Variants in N4BP2 observed in about 807,000 individuals in gnomAD.
N4BP2 encodes NEDD4-binding protein 2.
A neutral mutation model predicts 152.8 loss-of-function variants in N4BP2; 91 were observed. The ratio of observed to expected loss-of-function variants is 0.60; its 90% confidence interval spans 0.50 to 0.71. The LOEUF (loss-of-function observed/expected upper bound fraction) is 0.71. N4BP2 is among the 30% of genes least tolerant of loss of function. The probability of loss-of-function intolerance (pLI) is 0.00; values close to 1 mark genes in which losing one functional copy is unlikely to be tolerated. For missense variants in N4BP2, 1,923 were observed against 2,059.1 expected, an observed-to-expected ratio of 0.93 and a Z score of 1.28; for synonymous variants, 646 against 705.3, an observed-to-expected ratio of 0.92 and a Z score of 1.33.
the N4BP2 span, among the ~76,000 whole-genome samples, chr4:40,184,445 C>T: frequency 1.3e-5 from 2 of 151,206 alleles, no homozygotes; most frequent in Non-Finnish European, 2.9e-5. Flanking sequence ...AGAGAATAAA[C>T]TATATGAGTA....
rs760890188 is a variant in N4BP2 at position 40,152,793 on chromosome 4, C to T, written c.5157C>T (p.Asn1719=). 21 of 1,613,658 alleles carry T rather than the reference C, an allele frequency of 1.3e-5. No homozygotes were observed. The East Asian group carries it at 2.9e-4, about 22-fold the overall frequency. Residue 1719 remains asparagine (N), a synonymous_variant, in exon 17 of 18, where the codon AAC becomes AAT. Coordinates refer to ENST00000261435, the MANE Select transcript of N4BP2 (RefSeq NM_018177.6). The part of the protein sequence containing the change: ...LEKKTEEFKQ[N]GGKPYLSVIT... ...CTGTTGTAACAGAATTTAAGCAGAA[C>T]GGTGGGAAGCCCTATTTGTCTGTGA...
chr4:40,112,748 C>T (rs767192476), intron 6 of N4BP2, among the ~76,000 whole-genome samples: 8 of 151,652 alleles, frequency 5.3e-5, no homozygotes, highest in Non-Finnish European at 1.2e-4. Flanking sequence ...TTGTTGCCCA[C>T]GCTGGAGGGC....
chr4:40,111,447 A>C (rs190889422), intron 5 of N4BP2, among the ~76,000 whole-genome samples: 31 of 152,074 alleles, frequency 2.0e-4, no homozygotes, highest in African/African-American at 6.5e-4. Flanking sequence ...CAGCCTCCCA[A>C]GTAGTTGGGA....
chr4:40,174,300 C>T, the N4BP2 span, among the ~76,000 whole-genome samples: 3 of 152,000 alleles, frequency 2.0e-5, no homozygotes. Flanking sequence ...TCACTTGAGC[C>T]TAGGAGATGG....
At chr4:40,145,545 G>A (rs1579139933) in intron 16 of N4BP2, among the ~76,000 whole-genome samples, 1 of 152,128 alleles carries the variant, frequency 6.6e-6, no homozygotes, top group Non-Finnish European at 1.5e-5. Flanking sequence ...TGGAAATCTT[G>A]TAGAAAATCT....
intron 14 of N4BP2, 52 bp downstream of exon 14, chr4:40,137,134 A>G: frequency 7.2e-7 from 1 of 1,391,146 alleles, no homozygotes. Context: ...GCATATAAAA[A>G]TATAATTGGT....
the N4BP2 span, among the ~76,000 whole-genome samples, chr4:40,170,202 A>G: frequency 6.6e-6 from 1 of 152,192 alleles, no homozygotes; most frequent in African/African-American, 2.4e-5. Context: ...TTAATCATTC[A>G]GTTTTTTTAG....
At chr4:40,058,706 A>G (rs1206225280) in intron 1 of N4BP2, among the ~76,000 whole-genome samples, 1 of 152,172 alleles carries the variant, frequency 6.6e-6, no homozygotes, top group Non-Finnish European at 1.5e-5. Flanking sequence ...ATTAAAGTAT[A>G]TTAAAGTAGG....
At chr4:40,080,483 C>G (rs1057403356) in intron 2 of N4BP2, among the ~76,000 whole-genome samples, 16 of 151,506 alleles carry the variant, frequency 1.1e-4, no homozygotes, top group Admixed American at 1.1e-3. Context: ...ACTACAGGTA[C>G]GTGCCACCAC....
At chr4:40,067,886 G>T (rs1219286257) in intron 1 of N4BP2, among the ~76,000 whole-genome samples, 1 of 151,882 alleles carries the variant, frequency 6.6e-6, no homozygotes, top group Non-Finnish European at 1.5e-5. Flanking sequence ...TACCATGTTG[G>T]CCAGGCTGGT....
intron 3 of N4BP2, among the ~76,000 whole-genome samples, chr4:40,101,183 G>A (rs1216629717): frequency 6.6e-6 from 1 of 152,124 alleles, no homozygotes; most frequent in Non-Finnish European, 1.5e-5. Flanking sequence ...TTGAGAGGGA[G>A]TCTCGCTCTG....
chr4:40,064,072 A>G (rs1328109307), intron 1 of N4BP2, among the ~76,000 whole-genome samples: 1 of 152,126 alleles, frequency 6.6e-6, no homozygotes, highest in Non-Finnish European at 1.5e-5. Flanking sequence ...TGCTGGGACC[A>G]CATGTGAACC....
intron 5 of N4BP2, 45 bp downstream of exon 5, chr4:40,107,069 A>C: frequency 6.3e-7 from 1 of 1,585,620 alleles, no homozygotes; most frequent in Non-Finnish European, 8.6e-7. Context: ...TGAGTAATAC[A>C]AAGAAAAAAT....
chr4:40,105,713 G>T (rs1716206607), intron 4 of N4BP2, among the ~76,000 whole-genome samples: 1 of 151,766 alleles, frequency 6.6e-6, no homozygotes, highest in Non-Finnish European at 1.5e-5. Context: ...ACCACACCCG[G>T]CTCATTTTTA....
intron 2 of N4BP2, among the ~76,000 whole-genome samples, chr4:40,084,631 A>ATT (rs67269894): frequency 1.6e-5 from 2 of 128,672 alleles, no homozygotes; most frequent in African/African-American, 5.9e-5. Flanking sequence ...TATATATATA[A>ATT]TTTTTTTTTT....
the N4BP2 span, among the ~76,000 whole-genome samples, chr4:40,190,465 T>C: frequency 6.6e-6 from 1 of 152,216 alleles, no homozygotes; most frequent in Admixed American, 6.5e-5. Context: ...ACACATGACA[T>C]TAGAATCCTC....
chr4:40,096,863 G>T (rs138224367), intron 2 of N4BP2, among the ~76,000 whole-genome samples: 288 of 152,278 alleles, frequency 1.9e-3, no homozygotes, highest in Non-Finnish European at 2.9e-3. Flanking sequence ...GGAAAAGCAG[G>T]TTTGAAGGGG....
intron 16 of N4BP2, among the ~76,000 whole-genome samples, chr4:40,149,112 A>G (rs1424147368): frequency 6.6e-6 from 1 of 152,212 alleles, no homozygotes; most frequent in Non-Finnish European, 1.5e-5. Flanking sequence ...GCCCCTAACT[A>G]TGTACCCAAG....
chr4:40,086,589 T>G (rs1713984727), intron 2 of N4BP2, among the ~76,000 whole-genome samples: 1 of 151,754 alleles, frequency 6.6e-6, no homozygotes, highest in Non-Finnish European at 1.5e-5. Flanking sequence ...CCACCCGCCT[T>G]GGCCTCCCAA....
Sources: allele counts gnomAD v4.1 joint callset (sites outside exome capture counted in the v4.1 genomes callset), GRCh38; gene constraint gnomAD v4.1.1; transcripts MANE v1.5; gene names NCBI Gene and HGNC (gene_info 2026-07-23, HGNC 2026-07-21).